IL23R: variants seen among roughly 807,000 people sequenced by gnomAD.
IL23R encodes interleukin 23 receptor.
A neutral mutation model predicts 56.9 loss-of-function variants in IL23R; 34 were observed. The observed-to-expected ratio is 0.60, with a 90% CI of 0.45 to 0.80. The LOEUF is 0.80. Ranked by LOEUF, IL23R falls within the 30% of genes least tolerant of loss-of-function variation. IL23R has a pLI of 0.00. For synonymous variants in IL23R, 230 were observed against 249.2 expected, an observed-to-expected ratio of 0.92 and a Z score of 0.73; for missense variants, 635 against 730.0, an observed-to-expected ratio of 0.87 and a Z score of 1.50.
chr1:67,204,325 T>C (rs908552541), intron 5 of IL23R, among the ~76,000 whole-genome samples: 1 of 152,168 alleles, frequency 6.6e-6, no homozygotes, highest in Admixed American at 6.5e-5. Context: ...GACCTCCCGA[T>C]ACTTTTTTAA....
intron 7 of IL23R, among the ~76,000 whole-genome samples, chr1:67,233,929 CTGTGTG>C (rs57455484): frequency 0.21 from 28,801 of 138,578 alleles, 3,337 homozygotes; most frequent in Non-Finnish European, 0.28. Context: ...GTCATAAAGG[CTGTGTG>C]TGTGTGTGTG....
intron 3 of IL23R, among the ~76,000 whole-genome samples, chr1:67,181,114 C>A (rs966599828): frequency 6.6e-6 from 1 of 152,174 alleles, no homozygotes; most frequent in African/African-American, 2.4e-5. Context: ...TTGGTCTTCT[C>A]GAGGAGTATC....
chr1:67,182,782 C>T, intron 3 of IL23R, 54 bp from the exon 4 acceptor site: 1 of 1,609,028 alleles, frequency 6.2e-7, no homozygotes, highest in Admixed American at 1.7e-5. Flanking sequence ...TGGCTTGGGA[C>T]CAGAGAACTT....
chr1:67,159,497 G>A (rs114952139), intron 1 of IL23R, among the ~76,000 whole-genome samples: 2,911 of 152,196 alleles, frequency 0.019, 84 homozygotes, highest in African/African-American at 0.066. Flanking sequence ...AGTCAATTAA[G>A]CCTCTTTTCT....
chr1:67,178,961 G>A (rs1439223365), intron 3 of IL23R, among the ~76,000 whole-genome samples: 1 of 152,140 alleles, frequency 6.6e-6, no homozygotes, highest in Non-Finnish European at 1.5e-5. Context: ...CTCCCAGGGA[G>A]GAAGCCCACT....
chr1:67,165,532 G>T (rs754574832), upstream of IL23R, among the ~76,000 whole-genome samples: 1 of 152,118 alleles, frequency 6.6e-6, no homozygotes, highest in East Asian at 1.9e-4. Flanking sequence ...TTCATGAAGC[G>T]TTAGTCAAAA....
the IL23R span, among the ~76,000 whole-genome samples, chr1:67,265,873 C>CA: frequency 7.3e-3 from 1,030 of 141,404 alleles, 9 homozygotes; most frequent in African/African-American, 0.022. Context: ...GACCCTGTCT[C>CA]AAAAAAAAAA....
intron 6 of IL23R, among the ~76,000 whole-genome samples, chr1:67,210,027 A>C (rs1421683745): frequency 6.6e-6 from 1 of 152,228 alleles, no homozygotes; most frequent in Non-Finnish European, 1.5e-5. Flanking sequence ...AAGGAGAACT[A>C]AGATGTATGA....
At chr1:67,164,631 CAAAATAAAAT>C (rs10645092), upstream of IL23R, among the ~76,000 whole-genome samples, 1,009 of 106,974 alleles carry the variant, frequency 9.4e-3, 8 homozygotes, top group African/African-American at 0.035. Flanking sequence ...AACTCTGTCA[CAAAATAAAAT>C]AAAATAAAAT....
intron 4 of IL23R, among the ~76,000 whole-genome samples, chr1:67,184,362 A>G (rs1265437692): frequency 2.6e-5 from 4 of 152,092 alleles, no homozygotes; most frequent in Non-Finnish European, 5.9e-5. Context: ...CCTGGCCAAC[A>G]TGGTGAAACC....
intron 5 of IL23R, among the ~76,000 whole-genome samples, chr1:67,206,154 CA>C (rs1220910306): frequency 1.3e-5 from 2 of 151,020 alleles, no homozygotes; most frequent in Non-Finnish European, 3.0e-5. Context: ...CTGGGATTGG[CA>C]CGCACCACCA....
At chr1:67,142,826 C>T (rs1184454993) in intron 1 of IL23R, among the ~76,000 whole-genome samples, 1 of 152,138 alleles carries the variant, frequency 6.6e-6, no homozygotes, top group Non-Finnish European at 1.5e-5. Context: ...CCTTGGCCTC[C>T]CAAAGCGCTA....
rs529432240 is a variant in IL23R, at chr1:67,177,735, G to A, written c.368-5101G>A. Among the ~76,000 whole-genome samples, 25 of 151,202 alleles carry A rather than the reference G, an allele frequency of 1.7e-4. 1 individual carries two copies. Among genetic ancestry groups the A allele is most frequent in the Non-Finnish European group, 1.5e-5 (1 of 67,996 alleles). ...TGGTATTATCTAGGTATTCTTCTAG[G>A]GTTTTTATGGTTTTAGGTCTTATGT... On this transcript the variant is annotated intron_variant, in intron 3 of 10. Transcript: ENST00000347310.
At chr1:67,141,937 A>G (rs1646642138) in intron 1 of IL23R, among the ~76,000 whole-genome samples, 1 of 152,210 alleles carries the variant, frequency 6.6e-6, no homozygotes, top group South Asian at 2.1e-4. Context: ...AGGGAGAAAC[A>G]AAGACAGTTA....
At chr1:67,171,308 G>A (rs1281446125) in intron 3 of IL23R, among the ~76,000 whole-genome samples, 1 of 152,170 alleles carries the variant, frequency 6.6e-6, no homozygotes, top group African/African-American at 2.4e-5. Context: ...AGCAAATTTA[G>A]TTTTTAGATC....
chr1:67,259,197 A>G lies in IL23R; in HGVS notation c.*69A>G. Reference sequence around the variant, plus strand: ...TGAACTTGGGTTTTCCCTGCAATAGAAATTGAATTCTGCCTCTTTTTGAAA... The same window carrying G: ...TGAACTTGGGTTTTCCCTGCAATAGGAATTGAATTCTGCCTCTTTTTGAAA... On this transcript the variant is annotated 3_prime_UTR_variant, in exon 11 of 11. Coordinates refer to ENST00000347310, the MANE Select transcript of IL23R (RefSeq NM_144701.3). 1 of 1,473,154 alleles carries G rather than the reference A, an allele frequency of 6.8e-7. No homozygotes were observed. Among genetic ancestry groups the G allele is most frequent in the Non-Finnish European group, 9.5e-7 (1 of 1,056,714 alleles). The allele number at this position is 1,473,154 out of a possible 1,614,324, so 91.3% of individuals were successfully genotyped here.
chr1:67,227,280 C>CTT (rs1650680166), intron 7 of IL23R, among the ~76,000 whole-genome samples: 1 of 152,270 alleles, frequency 6.6e-6, no homozygotes, highest in Non-Finnish European at 1.5e-5. Flanking sequence ...ATATAGATCC[C>CTT]TTTTTAACGA....
Position 67,200,838 on chromosome 1 carries a change from C to G in IL23R, c.593C>G (p.Ala198Gly). ...AAGAAGTACTTGGTTTGGGTCCAAG[C>G]AGCAAACGCACTAGGCATGGAAGAG... ...GGKKYLVWVQ[A>G]ANALGMEESK... The change falls in exon 5 of 11, where the codon GCA becomes GGA. Residue 198 changes from alanine (A) to glycine (G), a missense_variant. Physicochemically the swap from Ala to Gly is moderately conservative, Grantham distance 60. Coordinates refer to ENST00000347310, the MANE Select transcript of IL23R (RefSeq NM_144701.3). 1 of 1,614,122 alleles carries G rather than the reference C, an allele frequency of 6.2e-7. No individual in the cohort carries two copies. Among genetic ancestry groups the G allele is most frequent in the African/African-American group, 1.3e-5 (1 of 75,014 alleles).
chr1:67,261,675 TAAC>T (rs1462501576), downstream of IL23R, among the ~76,000 whole-genome samples: 3 of 152,262 alleles, frequency 2.0e-5, no homozygotes, highest in Admixed American at 2.0e-4. Context: ...GAGATTGAAA[TAAC>T]AAAAGACTAA....
Sources: gnomAD v4.1 joint callset for allele counts (sites outside exome capture counted in the v4.1 genomes callset) on GRCh38, gnomAD v4.1.1 for gene constraint, MANE v1.5 for transcripts, NCBI Gene and HGNC (gene_info 2026-07-23, HGNC 2026-07-21) for gene names.